GALNT2: variants seen among roughly 807,000 people sequenced by gnomAD.
GALNT2 encodes the protein polypeptide N-acetylgalactosaminyltransferase 2.
Under a neutral mutation model 81.4 loss-of-function variants are expected in GALNT2, and 31 were observed. The observed-to-expected ratio is 0.38, with a 90% confidence interval of 0.29 to 0.51. The LOEUF is 0.51. Among genes scored for constraint, GALNT2 ranks in the 20% least tolerant of loss-of-function variants. The probability of loss-of-function intolerance (pLI) is 0.87; values close to 1 mark genes in which losing one functional copy is unlikely to be tolerated. For synonymous variants in GALNT2, 303 were observed against 287.4 expected (o/e 1.05, Z -0.55); for missense variants, 629 against 765.7 (o/e 0.82, Z 2.11).
chr1:230,188,507 C>T (rs533194595), intron 2 of GALNT2, among the ~76,000 whole-genome samples: 1 of 152,350 alleles, frequency 6.6e-6, no homozygotes, highest in South Asian at 2.1e-4. Flanking sequence ...TTTTCCTTGT[C>T]TGTAAAATTT....
chr1:230,250,677 G>A (rs1361474483), intron 10 of GALNT2, 117 bp downstream of exon 10: 6 of 658,652 alleles, frequency 9.1e-6, no homozygotes, highest in Admixed American at 3.0e-5. Context: ...GGGCTTAATC[G>A]ATCCTTGCAA....
chr1:230,132,224 G>T (rs1039917628), intron 1 of GALNT2, among the ~76,000 whole-genome samples: 1 of 152,200 alleles, frequency 6.6e-6, no homozygotes, highest in African/African-American at 2.4e-5. Flanking sequence ...GTCAGCAACA[G>T]GGTCCTGGGA....
chr1:230,229,289 A>G (rs373964173), intron 3 of GALNT2, among the ~76,000 whole-genome samples: 50 of 152,360 alleles, frequency 3.3e-4, no homozygotes, highest in African/African-American at 1.2e-3. Flanking sequence ...AACATGAATA[A>G]ACAGTTAACA....
At chr1:230,158,926 G>A (rs530814318) in intron 1 of GALNT2, among the ~76,000 whole-genome samples, 1 of 152,326 alleles carries the variant, frequency 6.6e-6, no homozygotes, top group East Asian at 1.9e-4. Context: ...TGTCTGAGCA[G>A]TGCCCCAGCC....
intron 1 of GALNT2, among the ~76,000 whole-genome samples, chr1:230,122,699 T>G (rs1302496340): frequency 2.0e-5 from 3 of 152,084 alleles, no homozygotes; most frequent in African/African-American, 7.2e-5. Flanking sequence ...ATTTTAAAGG[T>G]CTCAGCTATT....
At chr1:230,113,986 C>T (rs1235656720) in intron 1 of GALNT2, among the ~76,000 whole-genome samples, 1 of 152,036 alleles carries the variant, frequency 6.6e-6, no homozygotes, top group East Asian at 1.9e-4. Context: ...AGGACTTCAT[C>T]TCCGTGAAGT....
At position 230,203,574 on chromosome 1, in the gene GALNT2, C is replaced by T. The variant is rs139362002; in HGVS notation, c.374+284C>T. Among the ~76,000 whole-genome samples the T allele has an allele frequency of 4.0e-4, 61 of 152,242 alleles. 1 individual carries two copies. The East Asian group carries it at 0.011, about 28-fold the overall frequency. Reference sequence around the variant, plus strand: ...GTCAGAAAGAGAGTTGTGTGACTGGCTTTATATTTAGTGATCACTTGTTAT... The same window carrying T: ...GTCAGAAAGAGAGTTGTGTGACTGGTTTTATATTTAGTGATCACTTGTTAT... On this transcript the variant is annotated intron_variant, in intron 3 of 15. Transcript: ENST00000366672.
Position 230,279,219 on chromosome 1 carries a change from G to A in GALNT2, c.1561-84G>A. The A allele has an allele frequency of 7.0e-7, 1 of 1,431,594 alleles. No individual in the cohort carries two copies. The highest frequency in any genetic ancestry group is 9.5e-7 in the Non-Finnish European group (1 of 1,053,818). The allele number at this position is 1,431,594 out of a possible 1,614,324, so 88.7% of individuals were successfully genotyped here. ...TGTCTATCTGTGAGTTTTTAATGCA[G>A]CCACAAGGTCCTGAATTCACACGAA... On this transcript the variant is annotated intron_variant, in intron 15 of 15. Coordinates refer to ENST00000366672, the MANE Select transcript of GALNT2 (RefSeq NM_004481.5). This position sits in a 1 kb window ranked among gnomAD's most constrained non-coding sequence, Gnocchi z 4.6.
intron 11 of GALNT2, among the ~76,000 whole-genome samples, chr1:230,260,972 A>T (rs1339566772): frequency 6.6e-6 from 1 of 152,016 alleles, no homozygotes; most frequent in Non-Finnish European, 1.5e-5. Flanking sequence ...TTATTTTCCC[A>T]CAAGTCCAGG....
intron 3 of GALNT2, among the ~76,000 whole-genome samples, chr1:230,228,706 C>T (rs1480690038): frequency 6.6e-6 from 1 of 152,000 alleles, no homozygotes. Flanking sequence ...TGCAGTAACG[C>T]TTCATGGCTC....
chr1:230,109,576 C>A (rs1660642847), intron 1 of GALNT2, among the ~76,000 whole-genome samples: 1 of 152,110 alleles, frequency 6.6e-6, no homozygotes, highest in Non-Finnish European at 1.5e-5. Context: ...GCATGTAATC[C>A]CAGCACTTCG....
intron 3 of GALNT2, 109 bp downstream of exon 3, chr1:230,203,399 T>A: frequency 7.7e-7 from 1 of 1,306,060 alleles, no homozygotes; most frequent in Non-Finnish European, 1.1e-6. Context: ...GGAAATTGAA[T>A]GTGTGTTGTA....
At chr1:230,077,180 T>C (rs1378006009) in intron 1 of GALNT2, among the ~76,000 whole-genome samples, 1 of 152,208 alleles carries the variant, frequency 6.6e-6, no homozygotes, top group Admixed American at 6.5e-5. Context: ...CCTCCCAGTC[T>C]CATTGTTTCC....
chr1:230,162,853 C>T (rs1303507420), intron 1 of GALNT2, among the ~76,000 whole-genome samples: 1 of 152,184 alleles, frequency 6.6e-6, no homozygotes, highest in Non-Finnish European at 1.5e-5. Context: ...GGCATTGGAA[C>T]CTACCATTTT....
chr1:230,191,464 T>C (rs889360447), intron 2 of GALNT2, among the ~76,000 whole-genome samples: 3 of 152,224 alleles, frequency 2.0e-5, no homozygotes, highest in African/African-American at 7.2e-5. Context: ...CTCTTTTTAT[T>C]TGAGACTTCT....
chr1:230,131,257 T>A (rs1661359246), intron 1 of GALNT2, among the ~76,000 whole-genome samples: 1 of 149,748 alleles, frequency 6.7e-6, no homozygotes, highest in South Asian at 2.3e-4. Context: ...AGGACACAAC[T>A]CTGACCGCCA....
chr1:230,094,163 ATTTTTTTTTTTTTTT>A (rs58639878), intron 1 of GALNT2, among the ~76,000 whole-genome samples: 10 of 119,378 alleles, frequency 8.4e-5, no homozygotes, highest in Non-Finnish European at 1.2e-4. Context: ...ATGCTGGCTA[ATTTTTTTTTTTTTTT>A]TTTTTTTTTT....
rs1558153919 is a variant in GALNT2, at chr1:230,236,649, T to G, written c.542-11T>G. 3.1e-6 allele frequency: 5 copies of G among 1,607,670 alleles called. No homozygotes were observed. Among genetic ancestry groups the G allele is most frequent in the Middle Eastern group, 1.7e-4 (1 of 6,022 alleles). ...CAGGTTCAAAATGCTCTGCTTCTTT[T>G]CTTTTCCTAGCTGAGGACGGGGCTC... On this transcript the variant is annotated splice_polypyrimidine_tract_variant and intron_variant, in intron 5 of 15. Coordinates refer to ENST00000366672, the MANE Select transcript of GALNT2 (RefSeq NM_004481.5).
intron 3 of GALNT2, among the ~76,000 whole-genome samples, chr1:230,231,340 C>T (rs1664859061): frequency 6.6e-6 from 1 of 152,304 alleles, no homozygotes; most frequent in East Asian, 1.9e-4. Flanking sequence ...TTAGTTGTCA[C>T]ACATTACACA....
Sources: gnomAD v4.1 joint callset for allele counts (sites outside exome capture counted in the v4.1 genomes callset) on GRCh38, gnomAD v4.1.1 for gene constraint, Gnocchi (gnomAD v3.1) non-coding constraint, MANE v1.5 for transcripts, NCBI Gene and HGNC (gene_info 2026-07-23, HGNC 2026-07-21) for gene names.